CSMD1: variants seen among roughly 807,000 people sequenced by gnomAD.
CSMD1 encodes CUB and Sushi multiple domains 1.
Under a neutral mutation model 417.5 loss-of-function variants are expected in CSMD1, and 213 were observed. That is an observed-to-expected ratio of 0.51 (90% CI 0.46 to 0.57). CSMD1 has a LOEUF of 0.57. CSMD1 is among the 20% of genes least tolerant of loss of function. The pLI is 0.00. For synonymous variants in CSMD1, 2,862 were observed against 1,736.8 expected (o/e 1.65, Z -16.11); for missense variants, 6,923 against 4,529.7 (o/e 1.53, Z -15.17).
chr8:3,554,609 A>C (rs73176999), intron 10 of CSMD1, among the ~76,000 whole-genome samples: 18,712 of 152,264 alleles, frequency 0.12, 1,394 homozygotes, highest in African/African-American at 0.2. Context: ...GGCCAGGCCA[A>C]AGAGGATCTG....
intron 9 of CSMD1, among the ~76,000 whole-genome samples, chr8:3,583,807 G>T (rs538517022): frequency 6.6e-6 from 1 of 152,078 alleles, no homozygotes; most frequent in Admixed American, 6.6e-5. Flanking sequence ...TGACTGTAAG[G>T]TCAGAACACA....
chr8:3,915,226 C>A (rs949708634), intron 5 of CSMD1, among the ~76,000 whole-genome samples: 1 of 151,784 alleles, frequency 6.6e-6, no homozygotes, highest in Non-Finnish European at 1.5e-5. Flanking sequence ...GCCAACATCA[C>A]GAAACTCTGC....
chr8:3,818,363 G>C (rs984739724), intron 5 of CSMD1, among the ~76,000 whole-genome samples: 3 of 152,072 alleles, frequency 2.0e-5, no homozygotes, highest in East Asian at 1.9e-4. Flanking sequence ...CCCTTCCTAA[G>C]GTCTCCAAAT....
intron 3 of CSMD1, among the ~76,000 whole-genome samples, chr8:4,097,467 A>C: frequency 6.6e-6 from 1 of 152,320 alleles, no homozygotes; most frequent in African/African-American, 2.4e-5. Context: ...GGTTGTAATA[A>C]TTTGTGCCAA....
intron 5 of CSMD1, among the ~76,000 whole-genome samples, chr8:3,891,359 T>A (rs950619893): frequency 3.9e-5 from 6 of 152,128 alleles, no homozygotes; most frequent in African/African-American, 1.4e-4. Flanking sequence ...CTGAGCAGGT[T>A]CTTGAAATTA....
chr8:3,311,269 G>T (rs112733904), intron 23 of CSMD1, among the ~76,000 whole-genome samples: 2,817 of 151,052 alleles, frequency 0.019, 84 homozygotes, highest in African/African-American at 0.064. Context: ...TTTTTTTTTT[G>T]GAAATGCAGT....
At chr8:4,349,987 T>C (rs1194736897) in intron 3 of CSMD1, among the ~76,000 whole-genome samples, 1 of 152,106 alleles carries the variant, frequency 6.6e-6, no homozygotes, top group Non-Finnish European at 1.5e-5. Flanking sequence ...TCCAAAGTAA[T>C]AGCTTTGGTC....
At chr8:4,459,056 C>G (rs752527597) in intron 2 of CSMD1, among the ~76,000 whole-genome samples, 10 of 152,008 alleles carry the variant, frequency 6.6e-5, no homozygotes, top group Non-Finnish European at 1.5e-4. Context: ...GTGAGTATGG[C>G]CAGGAAAACT....
intron 49 of CSMD1, among the ~76,000 whole-genome samples, chr8:3,074,038 C>T (rs1013345853): frequency 5.3e-5 from 8 of 152,330 alleles, no homozygotes; most frequent in South Asian, 2.1e-4. Flanking sequence ...AGGGTGGCAG[C>T]GGGCTGCTTT....
chr8:3,809,783 G>A (rs769459415), intron 5 of CSMD1, among the ~76,000 whole-genome samples: 5 of 152,120 alleles, frequency 3.3e-5, no homozygotes, highest in Non-Finnish European at 7.4e-5. Context: ...AGAATGGGGG[G>A]TTCTATGTCA....
intron 1 of CSMD1, among the ~76,000 whole-genome samples, chr8:4,679,199 CTT>C (rs908945172): frequency 4.6e-5 from 7 of 152,270 alleles, no homozygotes; most frequent in African/African-American, 1.7e-4. Flanking sequence ...TGGGAGCTGT[CTT>C]TGCAGGGCTT....
intron 3 of CSMD1, among the ~76,000 whole-genome samples, chr8:4,338,002 A>G (rs1800268750): frequency 6.6e-6 from 1 of 152,144 alleles, no homozygotes; most frequent in Non-Finnish European, 1.5e-5. Flanking sequence ...ATTCCCAAAT[A>G]GAGGTGTTCT....
At chr8:4,140,215 T>G (rs1803701113) in intron 3 of CSMD1, among the ~76,000 whole-genome samples, 1 of 104,868 alleles carries the variant, frequency 9.5e-6, no homozygotes. Flanking sequence ...AAACAAAAAT[T>G]CATCTGGATA....
intron 54 of CSMD1, among the ~76,000 whole-genome samples, chr8:2,989,200 T>G (rs1411978583): frequency 6.6e-6 from 1 of 152,256 alleles, no homozygotes; most frequent in African/African-American, 2.4e-5. Context: ...GCTGCTTTTT[T>G]TTAACTTGAG....
intron 26 of CSMD1, among the ~76,000 whole-genome samples, chr8:3,238,398 GCCTGAAAGT>G (rs1799289438): frequency 6.6e-6 from 1 of 152,014 alleles, no homozygotes; most frequent in African/African-American, 2.4e-5. Flanking sequence ...GGGTTCAGAG[GCCTGAAAGT>G]CCTGTTTTCT....
intron 10 of CSMD1, among the ~76,000 whole-genome samples, chr8:3,504,592 C>T (rs1477996075): frequency 1.3e-5 from 2 of 152,160 alleles, no homozygotes; most frequent in East Asian, 1.9e-4. Context: ...TCAAATCTCA[C>T]GAGTCTTTAT....
chr8:4,419,890 G>C (rs758391699), intron 3 of CSMD1, 63 bp downstream of exon 3: 257 of 1,099,854 alleles, frequency 2.3e-4, no homozygotes, highest in Admixed American at 3.2e-4. Flanking sequence ...TATTAATCCA[G>C]TGTAGCATGT....
intron 33 of CSMD1, among the ~76,000 whole-genome samples, chr8:3,190,361 T>C (rs548919348): frequency 2.0e-5 from 3 of 152,164 alleles, no homozygotes; most frequent in East Asian, 3.9e-4. Flanking sequence ...CGTTCCCAAC[T>C]GTACTTCGCC....
At chr8:3,182,180 G>A (rs1394709176) in intron 36 of CSMD1, among the ~76,000 whole-genome samples, 2 of 152,138 alleles carry the variant, frequency 1.3e-5, no homozygotes, top group Non-Finnish European at 2.9e-5. Flanking sequence ...CCAAACAGAT[G>A]AACATTATTG....
Sources: allele counts gnomAD v4.1 joint callset (sites outside exome capture counted in the v4.1 genomes callset), GRCh38; gene constraint gnomAD v4.1.1; transcripts MANE v1.5; gene names NCBI Gene and HGNC (gene_info 2026-07-23, HGNC 2026-07-21).